The following TMEM132B variants were observed in gnomAD, a reference collection of about 807,000 sequenced individuals.
TMEM132B encodes the protein transmembrane protein 132B.
Under a neutral mutation model 90.8 loss-of-function variants are expected in TMEM132B, and 18 were observed. The ratio of observed to expected loss-of-function variants is 0.20; its 90% CI spans 0.14 to 0.29. The LOEUF is 0.29. TMEM132B is among the 10% of genes least tolerant of loss of function. The pLI is 1.00. For synonymous variants in TMEM132B, 504 were observed against 523.3 expected (o/e 0.96, Z 0.50); for missense variants, 1,096 against 1,326.8 (o/e 0.83, Z 2.70).
At chr12:125,298,638 C>T (rs1192756045) in intron 1 of TMEM132B, among the ~76,000 whole-genome samples, 2 of 137,362 alleles carry the variant, frequency 1.5e-5, no homozygotes, top group African/African-American at 5.5e-5. Context: ...CGCGTCACTG[C>T]ACTCCAGCCG....
At chr12:125,371,459 T>G (rs1241180851) in intron 2 of TMEM132B, among the ~76,000 whole-genome samples, 1 of 152,190 alleles carries the variant, frequency 6.6e-6, no homozygotes, top group Non-Finnish European at 1.5e-5. Flanking sequence ...TGTGCATGTT[T>G]AAGTTATAAA....
At chr12:125,603,811 A>G (rs1228399574) in intron 5 of TMEM132B, among the ~76,000 whole-genome samples, 2 of 152,252 alleles carry the variant, frequency 1.3e-5, no homozygotes, top group Non-Finnish European at 2.9e-5. Flanking sequence ...TTCTCGAAAG[A>G]GGACATTTAT....
intron 2 of TMEM132B, among the ~76,000 whole-genome samples, chr12:125,370,639 A>G (rs540207431): frequency 6.6e-6 from 1 of 152,124 alleles, no homozygotes; most frequent in Non-Finnish European, 1.5e-5. Flanking sequence ...TAACTTCTGG[A>G]CTCAAGCAAT....
At chr12:125,300,031 C>G (rs892552292) in intron 1 of TMEM132B, among the ~76,000 whole-genome samples, 1 of 152,246 alleles carries the variant, frequency 6.6e-6, no homozygotes, top group Non-Finnish European at 1.5e-5. Flanking sequence ...CCCATGCGCC[C>G]TGCGTGGGCC....
At chr12:125,354,685 G>A (rs992809718) in intron 2 of TMEM132B, among the ~76,000 whole-genome samples, 2 of 152,216 alleles carry the variant, frequency 1.3e-5, no homozygotes, top group Non-Finnish European at 2.9e-5. Context: ...GCATCACAGG[G>A]AGTGAAACCA....
At chr12:125,270,650 C>T (rs1022271116) in intron 1 of TMEM132B, among the ~76,000 whole-genome samples, 1 of 152,086 alleles carries the variant, frequency 6.6e-6, no homozygotes, top group Non-Finnish European at 1.5e-5. Context: ...CAGGACTGTT[C>T]ACCAAAGACA....
rs977550476 is a variant in TMEM132B, at chr12:125,408,489, C to T, written c.960-7042C>T. 2.0e-5 allele frequency among the ~76,000 whole-genome samples: 3 copies of T among 152,220 alleles called. No homozygotes were observed. Among genetic ancestry groups the T allele is most frequent in the Non-Finnish European group, 4.4e-5 (3 of 68,046 alleles). The stretch of plus-strand genomic sequence containing the variant: ...ACAGCCGCATCTATAAAAAAGCAAG[C>T]TCTCACCCGGCACTGAAACTGCTGA... On this transcript the variant is annotated intron_variant, in intron 2 of 8. Transcript: ENST00000682704. The surrounding 1 kb of genome is among the most constrained non-coding windows in gnomAD (Gnocchi z 5.9).
chr12:125,350,898 C>T (rs1157000206), intron 2 of TMEM132B, among the ~76,000 whole-genome samples: 1 of 152,162 alleles, frequency 6.6e-6, no homozygotes, highest in Non-Finnish European at 1.5e-5. Flanking sequence ...CAGGAAATTT[C>T]CCTGGCCATG....
intron 1 of TMEM132B, among the ~76,000 whole-genome samples, chr12:125,222,852 C>T (rs1873591601): frequency 6.6e-6 from 1 of 152,194 alleles, no homozygotes; most frequent in Admixed American, 6.5e-5. Flanking sequence ...GGCAAGATTG[C>T]CCCCATTGGA....
At chr12:125,401,987 A>G (rs1879334056) in intron 2 of TMEM132B, among the ~76,000 whole-genome samples, 1 of 152,218 alleles carries the variant, frequency 6.6e-6, no homozygotes, top group African/African-American at 2.4e-5. Flanking sequence ...TTCTATAACT[A>G]TACAATATTG....
intron 5 of TMEM132B, among the ~76,000 whole-genome samples, chr12:125,613,187 CAT>C (rs1396201391): frequency 1.0e-5 from 1 of 97,686 alleles, no homozygotes; most frequent in Non-Finnish European, 2.0e-5. Context: ...AAATATATAT[CAT>C]ATATATTTAT....
chr12:125,440,611 T>C (rs952201718), intron 3 of TMEM132B, among the ~76,000 whole-genome samples: 2 of 152,192 alleles, frequency 1.3e-5, no homozygotes, highest in African/African-American at 4.8e-5. Flanking sequence ...AAGTCTTTGC[T>C]TCCAAGGAGA....
rs774238578 is a variant in TMEM132B, at chr12:125,583,893, G to A, written c.1336G>A (p.Val446Ile). Residue 446 changes from valine (V) to isoleucine (I), a missense_variant, in exon 5 of 9, where the codon GTT (valine) becomes ATT (isoleucine). Val to Ile is a conservative substitution (Grantham distance 29). Transcript: ENST00000682704. Reference protein sequence around the residue: ...LNTAILTGKPVSVPVKVVGVQ... With the variant: ...LNTAILTGKPISVPVKVVGVQ... Reference sequence around the variant, plus strand: ...CACTGCCATTCTCACTGGAAAGCCTGTTTCAGTTCCTGTCAAAGTCGTGGG... The same window carrying A: ...CACTGCCATTCTCACTGGAAAGCCTATTTCAGTTCCTGTCAAAGTCGTGGG... 3.7e-5 allele frequency: 60 copies of A among 1,614,036 alleles called. No homozygotes were observed. The East Asian group carries it at 1.3e-3, about 35-fold the overall frequency.
At chr12:125,467,156 C>G (rs1270120056) in intron 3 of TMEM132B, among the ~76,000 whole-genome samples, 1 of 152,120 alleles carries the variant, frequency 6.6e-6, no homozygotes, top group Non-Finnish European at 1.5e-5. Flanking sequence ...TTTATGGATT[C>G]AAATAGTCCT....
intron 2 of TMEM132B, among the ~76,000 whole-genome samples, chr12:125,409,634 AGT>A (rs1879642126): frequency 6.6e-5 from 4 of 60,578 alleles, no homozygotes; most frequent in African/African-American, 2.9e-4. Flanking sequence ...AGTGGAGTGG[AGT>A]GGAGGAGTGG....
chr12:125,424,843 G>A (rs959125778), intron 3 of TMEM132B, among the ~76,000 whole-genome samples: 3 of 152,172 alleles, frequency 2.0e-5, no homozygotes, highest in African/African-American at 7.2e-5. Context: ...CCAAGGAGAG[G>A]AGGAGGGGAG....
chr12:125,498,108 C>T lies in TMEM132B; in HGVS notation c.1107-21331C>T, dbSNP rs1235668094. Reference sequence around the variant, plus strand: ...ACCTGACACACGCTGCTTTATTTACCACTCACTGGCCAAAATTGATCCACA... The same window carrying T: ...ACCTGACACACGCTGCTTTATTTACTACTCACTGGCCAAAATTGATCCACA... On this transcript the variant is annotated intron_variant, in intron 3 of 8. Transcript: ENST00000682704. The surrounding 1 kb of genome is among the most constrained non-coding windows in gnomAD (Gnocchi z 4.5). Among the ~76,000 whole-genome samples, 1 of 152,178 alleles carries T rather than the reference C, an allele frequency of 6.6e-6. No homozygotes were observed. Among genetic ancestry groups the T allele is most frequent in the African/African-American group, 2.4e-5 (1 of 41,452 alleles).
At chr12:125,568,007 C>T (rs373072370) in intron 4 of TMEM132B, among the ~76,000 whole-genome samples, 8 of 152,132 alleles carry the variant, frequency 5.3e-5, no homozygotes, top group Non-Finnish European at 1.0e-4. Context: ...ACCTTGCGTG[C>T]GTCTGTCTCT....
intron 1 of TMEM132B, among the ~76,000 whole-genome samples, chr12:125,206,603 T>C (rs1316113640): frequency 6.6e-6 from 1 of 152,090 alleles, no homozygotes; most frequent in East Asian, 1.9e-4. Flanking sequence ...TTGGTGTGGG[T>C]GTTTAGTCTT....
Sources: gnomAD v4.1 joint callset for allele counts (sites outside exome capture counted in the v4.1 genomes callset) on GRCh38, gnomAD v4.1.1 for gene constraint, Gnocchi (gnomAD v3.1) non-coding constraint, MANE v1.5 for transcripts, NCBI Gene and HGNC (gene_info 2026-07-23, HGNC 2026-07-21) for gene names.